RGS9: variants seen among roughly 807,000 people sequenced by gnomAD.
RGS9 encodes regulator of G-protein signalling 9.
Under a neutral mutation model 102.0 loss-of-function variants are expected in RGS9, and 78 were observed. That is an observed-to-expected ratio of 0.76 (90% CI 0.64 to 0.92). The LOEUF (loss-of-function observed/expected upper bound fraction) is 0.92, where lower values mean the gene tolerates loss of function less well. Among genes scored for constraint, RGS9 ranks in the 40% least tolerant of loss-of-function variants. The pLI, the probability that RGS9 is intolerant of heterozygous loss-of-function variation, is 0.00. For missense variants in RGS9, 833 were observed against 866.1 expected (o/e 0.96, Z 0.48); for synonymous variants, 353 against 318.6 (o/e 1.11, Z -1.15).
chr17:65,170,853 G>A (rs1441354658), intron 8 of RGS9, among the ~76,000 whole-genome samples: 1 of 152,106 alleles, frequency 6.6e-6, no homozygotes, highest in Non-Finnish European at 1.5e-5. Flanking sequence ...AGAGTGCAGT[G>A]GCCCCACTCT....
chr17:65,207,423 A>T (rs994398454), intron 15 of RGS9, among the ~76,000 whole-genome samples: 1 of 152,242 alleles, frequency 6.6e-6, no homozygotes, highest in Non-Finnish European at 1.5e-5. Context: ...AGGTGTCCTC[A>T]TGTGAACAAA....
intron 13 of RGS9, 54 bp from the exon 14 acceptor site, chr17:65,201,939 C>T: frequency 8.1e-7 from 1 of 1,228,678 alleles, no homozygotes; most frequent in Non-Finnish European, 1.2e-6. Context: ...CTCTTTTCTT[C>T]TTCCAACTTA....
rs534417733 is a variant in RGS9 at position 65,204,222 on chromosome 17, T to A, written c.1124T>A (p.Ile375Asn). 1.2e-6 allele frequency: 2 copies of A among 1,613,414 alleles called. No homozygotes were observed. The highest frequency in any genetic ancestry group is 3.7e-4 in the Middle Eastern group (2 of 5,422). ...AACATAGATGGCAAAACCATGGACA[T>A]CACAGTGAAGGGGCTGAAGCACCCC... ...WINIDGKTMD[I>N]TVKGLKHPHR... Residue 375 changes from isoleucine to asparagine, a missense_variant, in exon 15 of 19, where the codon ATC becomes AAC. Physicochemically the swap from Ile to Asn is moderately radical, Grantham distance 149 (BLOSUM62 -3). Transcript: ENST00000262406.
intron 9 of RGS9, among the ~76,000 whole-genome samples, chr17:65,182,870 C>T (rs1911939905): frequency 6.6e-6 from 1 of 152,190 alleles, no homozygotes; most frequent in African/African-American, 2.4e-5. Context: ...GTTCTGTTAC[C>T]ATCTCAGAAT....
intron 12 of RGS9, 135 bp from the exon 13 acceptor site, chr17:65,196,991 T>G (rs1912616242): frequency 1.4e-6 from 1 of 700,754 alleles, no homozygotes. Context: ...ACTTGGCTTG[T>G]GTGTTATGCA....
chr17:65,187,309 C>A (rs1052318325), intron 9 of RGS9, among the ~76,000 whole-genome samples: 1 of 152,056 alleles, frequency 6.6e-6, no homozygotes, highest in Non-Finnish European at 1.5e-5. Flanking sequence ...AAGAGTCACA[C>A]AAATAAGGAT....
At chr17:65,220,926 A>G (rs1481086200) in intron 17 of RGS9, among the ~76,000 whole-genome samples, 2 of 152,200 alleles carry the variant, frequency 1.3e-5, no homozygotes, top group African/African-American at 4.8e-5. Flanking sequence ...CTGTGGTGTC[A>G]CATTTCTTTG....
intron 12 of RGS9, among the ~76,000 whole-genome samples, chr17:65,196,150 T>C (rs1430382717): frequency 6.6e-6 from 1 of 152,250 alleles, no homozygotes; most frequent in Non-Finnish European, 1.5e-5. Flanking sequence ...CAATTCATAG[T>C]GTTCTTTTAA....
Position 65,204,154 on chromosome 17 carries a change from C to T in RGS9, c.1065-9C>T. On this transcript the variant is annotated splice_polypyrimidine_tract_variant and intron_variant, in intron 14 of 18. Coordinates refer to ENST00000262406, the MANE Select transcript of RGS9 (RefSeq NM_003835.4). ...AGTTACTTTTGCTAACATCTCCCTC[C>T]CACCCCAGGCTGTTCCTGGCCCCGG... The T allele has an allele frequency of 6.2e-7, 1 of 1,612,376 alleles. No individual in the cohort carries two copies. The highest frequency in any genetic ancestry group is 8.5e-7 in the Non-Finnish European group (1 of 1,180,000).
intron 8 of RGS9, among the ~76,000 whole-genome samples, chr17:65,177,399 C>T (rs556720356): frequency 6.6e-6 from 1 of 151,760 alleles, no homozygotes; most frequent in South Asian, 2.1e-4. Context: ...ATTCATCCAT[C>T]CACTTATCCA....
intron 12 of RGS9, among the ~76,000 whole-genome samples, chr17:65,196,387 T>C (rs1912586569): frequency 2.0e-5 from 3 of 152,204 alleles, no homozygotes; most frequent in Admixed American, 2.0e-4. Flanking sequence ...ACTTGAAACC[T>C]TAGTTTCAAA....
chr17:65,218,510 G>C (rs975870206), intron 17 of RGS9, among the ~76,000 whole-genome samples: 15 of 152,186 alleles, frequency 9.9e-5, no homozygotes, highest in African/African-American at 3.6e-4. Flanking sequence ...GTGGACTTTG[G>C]GGTTAGGCAG....
At chr17:65,217,256 G>C (rs561678363) in intron 17 of RGS9, among the ~76,000 whole-genome samples, 1 of 152,228 alleles carries the variant, frequency 6.6e-6, no homozygotes, top group Non-Finnish European at 1.5e-5. Context: ...TGCTGAGGTG[G>C]ATCAGAGCAT....
chr17:65,226,907 G>A (rs1905712144), intron 18 of RGS9, among the ~76,000 whole-genome samples: 1 of 152,168 alleles, frequency 6.6e-6, no homozygotes, highest in Non-Finnish European at 1.5e-5. Context: ...GAGCCACAGT[G>A]CCCAGCACCC....
chr17:65,149,133 T>C (rs1262682095), intron 1 of RGS9, among the ~76,000 whole-genome samples: 1 of 123,358 alleles, frequency 8.1e-6, no homozygotes, highest in African/African-American at 5.2e-5. Flanking sequence ...GGCTAGTTTT[T>C]TTTTTGTTGT....
chr17:65,218,441 T>A (rs567930643), intron 17 of RGS9, among the ~76,000 whole-genome samples: 1 of 152,362 alleles, frequency 6.6e-6, no homozygotes, highest in East Asian at 1.9e-4. Context: ...TCCTTGAAGC[T>A]AGATGGTATG....
intron 8 of RGS9, among the ~76,000 whole-genome samples, chr17:65,171,608 A>C (rs991552940): frequency 6.6e-6 from 1 of 152,218 alleles, no homozygotes; most frequent in Admixed American, 6.5e-5. Context: ...TTGATTTAGA[A>C]AGGCAGGGAG....
chr17:65,199,994 T>C (rs952686050), intron 13 of RGS9, among the ~76,000 whole-genome samples: 2 of 152,184 alleles, frequency 1.3e-5, no homozygotes, highest in Admixed American at 6.5e-5. Context: ...TCATTTAATA[T>C]TTTTGGTGGG....
intron 17 of RGS9, among the ~76,000 whole-genome samples, chr17:65,216,047 A>C (rs1291546977): frequency 6.6e-6 from 1 of 152,176 alleles, no homozygotes; most frequent in East Asian, 1.9e-4. Context: ...GCATCGGGGA[A>C]ACTGGACCTC....
Sources: gnomAD v4.1 joint callset for allele counts (sites outside exome capture counted in the v4.1 genomes callset) on GRCh38, gnomAD v4.1.1 for gene constraint, MANE v1.5 for transcripts, NCBI Gene and HGNC (gene_info 2026-07-23, HGNC 2026-07-21) for gene names.